The following MYO1D variants were observed in gnomAD, a reference collection of about 807,000 sequenced individuals.
MYO1D encodes myosin ID.
A neutral mutation model predicts 122.0 loss-of-function variants in MYO1D; 83 were observed. The ratio of observed to expected loss-of-function variants is 0.68; its 90% CI spans 0.57 to 0.82. MYO1D has a LOEUF of 0.82. Among genes scored for constraint, MYO1D ranks in the 40% least tolerant of loss-of-function variants. The probability of loss-of-function intolerance (pLI) is 0.00; values close to 1 mark genes in which losing one functional copy is unlikely to be tolerated. For missense variants in MYO1D, 1,157 were observed against 1,269.5 expected (o/e 0.91, Z 1.35); for synonymous variants, 464 against 446.9 (o/e 1.04, Z -0.48).
chr17:32,746,819 C>G (rs189111575), intron 12 of MYO1D, among the ~76,000 whole-genome samples: 13 of 152,230 alleles, frequency 8.5e-5, no homozygotes. Flanking sequence ...GTCTAGAAAC[C>G]TAGGTATTGT....
At chr17:32,584,157 C>G (rs1015283688) in intron 21 of MYO1D, among the ~76,000 whole-genome samples, 3 of 152,120 alleles carry the variant, frequency 2.0e-5, no homozygotes, top group African/African-American at 7.2e-5. Context: ...CAAATACTAC[C>G]TATTTTTTAT....
intron 14 of MYO1D, 151 bp downstream of exon 14, chr17:32,738,102 G>T: frequency 1.6e-6 from 1 of 624,346 alleles, no homozygotes; most frequent in Non-Finnish European, 2.4e-6. Flanking sequence ...TTTTAAAAAT[G>T]CAGGAATAAA....
intron 21 of MYO1D, among the ~76,000 whole-genome samples, chr17:32,589,321 G>A (rs908623164): frequency 3.3e-5 from 5 of 152,200 alleles, no homozygotes; most frequent in African/African-American, 4.8e-5. Context: ...CTTTGGGAAC[G>A]TGTTGAGCCA....
At position 32,494,779 on chromosome 17, in the gene MYO1D, G is replaced by C; in HGVS notation, c.3001C>G (p.Leu1001Val). The stretch of plus-strand genomic sequence containing the variant: ...GGGCGTCAGTTCCCGGGCACGCTGA[G>C]GATGAAGCCCGAGCGATTCTTGGTG... Reference protein sequence around the residue: ...DFTKNRSGFILSVPGN With the variant: ...DFTKNRSGFIVSVPGN Residue 1001 changes from leucine to valine, a missense_variant, in exon 22 of 22, where the codon CTC (leucine) becomes GTC (valine). Transcript: ENST00000318217. 6.2e-7 allele frequency: 1 copy of C among 1,609,400 alleles called. No individual in the cohort carries two copies. The highest frequency in any genetic ancestry group is 2.2e-5 in the East Asian group (1 of 44,552).
chr17:32,742,227 C>T (rs915804629), intron 13 of MYO1D, among the ~76,000 whole-genome samples: 4 of 152,084 alleles, frequency 2.6e-5, no homozygotes, highest in Non-Finnish European at 5.9e-5. Flanking sequence ...GTAAATACTA[C>T]ACCATTTTAT....
At chr17:32,724,113 G>C (rs185547598) in intron 14 of MYO1D, among the ~76,000 whole-genome samples, 2 of 152,238 alleles carry the variant, frequency 1.3e-5, no homozygotes, top group East Asian at 3.9e-4. Context: ...ATAGGATGGG[G>C]AAGTCGGGCG....
intron 16 of MYO1D, among the ~76,000 whole-genome samples, chr17:32,674,194 A>G (rs910581865): frequency 6.6e-6 from 1 of 151,966 alleles, no homozygotes; most frequent in Non-Finnish European, 1.5e-5. Context: ...ACTTTGGAGG[A>G]AGAGGCAAGC....
chr17:32,729,640 C>G (rs931389357), intron 14 of MYO1D, among the ~76,000 whole-genome samples: 1 of 152,028 alleles, frequency 6.6e-6, no homozygotes, highest in African/African-American at 2.4e-5. Flanking sequence ...GTTGAGTGAG[C>G]CTACACCTCA....
chr17:32,803,147 TTTTC>T lies in MYO1D; in HGVS notation c.96-22367_96-22364del, dbSNP rs560541908. Among the ~76,000 whole-genome samples, 332 of 152,132 alleles carry T rather than the reference TTTTC, an allele frequency of 2.2e-3. 3 individuals are homozygous for T. Among genetic ancestry groups the T allele is most frequent in the African/African-American group, 7.8e-3 (323 of 41,488 alleles). ...ACCAAGTTGTGCCAGAACTTCCAATTTTTCTTTCTTTTTTTTTGAGACAGAATCT... is the reference window on the plus strand; with the variant it reads ...ACCAAGTTGTGCCAGAACTTCCAATTTTTCTTTTTTTTTGAGACAGAATCT... On this transcript the variant is annotated intron_variant, in intron 1 of 21. Transcript: ENST00000318217.
chr17:32,517,019 A>G (rs1396495191), intron 21 of MYO1D, among the ~76,000 whole-genome samples: 1 of 151,308 alleles, frequency 6.6e-6, no homozygotes, highest in African/African-American at 2.5e-5. Flanking sequence ...AAGGTGAACA[A>G]TTCAATAAAA....
At chr17:32,567,688 T>C (rs1567892661) in intron 21 of MYO1D, among the ~76,000 whole-genome samples, 1 of 152,196 alleles carries the variant, frequency 6.6e-6, no homozygotes, top group Non-Finnish European at 1.5e-5. Flanking sequence ...TTGGCCACTG[T>C]AGGGTCTCAT....
rs367835284 is a variant in MYO1D at position 32,830,164 on chromosome 17, A to C, written c.95+46614T>G. 4 of 152,314 alleles carry C rather than the reference A, an allele frequency of 2.6e-5. No homozygotes were observed. In the South Asian group the frequency reaches 8.3e-4, roughly 32 times the overall value. The allele number at this position is 152,314 out of a possible 1,614,324, so 9.4% of individuals were successfully genotyped here. A position where few individuals can be genotyped will look rare whatever the true frequency, so the allele number is the denominator to read the frequency against. ...AGAAAGTGATAACATTTAAATCAAG[A>C]TACTCAGCATTAGCACAAAATTCTC... is the stretch of plus-strand genomic sequence containing the variant. On this transcript the variant is annotated intron_variant, in intron 1 of 21. Coordinates refer to ENST00000318217, the MANE Select transcript of MYO1D (RefSeq NM_015194.3).
chr17:32,648,413 T>C (rs79196535), intron 19 of MYO1D, among the ~76,000 whole-genome samples: 5 of 152,218 alleles, frequency 3.3e-5, no homozygotes, highest in Non-Finnish European at 5.9e-5. Flanking sequence ...CCTTTTGTTA[T>C]GATATTTATT....
chr17:32,654,637 C>A lies in MYO1D; in HGVS notation c.2346-16G>T, dbSNP rs764582621. ...TGCTCTCCATCTACAAGTAAATAGA[C>A]AACATGTATTAGACTTTAGAAATGC... On this transcript the variant is annotated splice_polypyrimidine_tract_variant and intron_variant, in intron 17 of 21. Coordinates refer to ENST00000318217, the MANE Select transcript of MYO1D (RefSeq NM_015194.3). 6.3e-7 allele frequency: 1 copy of A among 1,587,226 alleles called. No homozygotes were observed. Among genetic ancestry groups the A allele is most frequent in the Non-Finnish European group, 8.6e-7 (1 of 1,167,738 alleles).
At chr17:32,652,042 T>A (rs1322072219) in intron 19 of MYO1D, among the ~76,000 whole-genome samples, 1 of 152,198 alleles carries the variant, frequency 6.6e-6, no homozygotes, top group Non-Finnish European at 1.5e-5. Context: ...CCTATTGATA[T>A]ATATTCACAT....
At chr17:32,866,610 G>C (rs1372340075) in intron 1 of MYO1D, among the ~76,000 whole-genome samples, 1 of 152,230 alleles carries the variant, frequency 6.6e-6, no homozygotes, top group Admixed American at 6.5e-5. Context: ...ACATGCTTGT[G>C]CTGCATTAGA....
At chr17:32,767,811 A>G (rs1464719208) in intron 6 of MYO1D, 59 bp from the exon 7 acceptor site, 2 of 1,275,698 alleles carry the variant, frequency 1.6e-6, no homozygotes, top group East Asian at 2.3e-5. Context: ...TTAAAATTCA[A>G]CAATTATAAA....
chr17:32,600,472 A>G (rs2087549377), intron 21 of MYO1D, among the ~76,000 whole-genome samples: 1 of 152,238 alleles, frequency 6.6e-6, no homozygotes, highest in African/African-American at 2.4e-5. Flanking sequence ...TGTTTCGTGT[A>G]GCCACCTTAA....
At chr17:32,676,085 T>TACTAAAATG (rs1188414437) in intron 16 of MYO1D, among the ~76,000 whole-genome samples, 1 of 152,136 alleles carries the variant, frequency 6.6e-6, no homozygotes, top group Non-Finnish European at 1.5e-5. Flanking sequence ...GCAGTAACAT[T>TACTAAAATG]TTAGTAGTAT....
Sources: allele counts gnomAD v4.1 joint callset (sites outside exome capture counted in the v4.1 genomes callset), GRCh38; gene constraint gnomAD v4.1.1; transcripts MANE v1.5; gene names NCBI Gene and HGNC (gene_info 2026-07-23, HGNC 2026-07-21).